Variants in EPN1 observed in about 807,000 individuals in gnomAD.
EPN1 encodes epsin-1.
EPN1 carries 25 observed loss-of-function variants against 56.9 expected under a neutral mutation model. The ratio of observed to expected loss-of-function variants is 0.44; its 90% CI spans 0.32 to 0.61. The LOEUF (loss-of-function observed/expected upper bound fraction) is 0.61. Ranked by LOEUF, EPN1 falls within the 20% of genes least tolerant of loss-of-function variation. The probability of loss-of-function intolerance (pLI) is 0.05; values close to 1 mark genes in which losing one functional copy is unlikely to be tolerated. For missense variants in EPN1, 785 were observed against 823.7 expected (o/e 0.95, Z 0.58); for synonymous variants, 411 against 361.8 (o/e 1.14, Z -1.54).
chr19:55,689,327 C>G lies in EPN1; in HGVS notation c.634C>G (p.Gln212Glu). 6.4e-7 allele frequency: 1 copy of G among 1,551,854 alleles called. No homozygotes were observed. The highest frequency in any genetic ancestry group is 8.7e-7 in the Non-Finnish European group (1 of 1,147,012). Residue 212 changes from glutamine (Q) to glutamate (E), a missense_variant, in exon 5 of 11, where the codon CAG becomes GAG. By Grantham distance (29) the Gln-to-Glu change is conservative. Coordinates refer to ENST00000270460, the MANE Select transcript of EPN1 (RefSeq NM_001130072.2). The surrounding 1 kb of genome is among the most constrained non-coding windows in gnomAD (Gnocchi z 5.7). ...GTCCTGCGGCCCCGAGGACGACGCC[C>G]AGCTCCAGCTGGCCCTTAGTTTGAG... The part of the protein sequence containing the change: ...PPSCGPEDDA[Q>E]LQLALSLSRE...
chr19:55,693,498 C>G (rs1986715164), intron 9 of EPN1: 1 of 153,360 alleles, frequency 6.5e-6, no homozygotes, highest in Non-Finnish European at 1.5e-5. Flanking sequence ...CTTTAGCTGC[C>G]CTGGCTCCTT....
chr19:55,675,869 G>A (rs1467996802), intron 1 of EPN1, among the ~76,000 whole-genome samples: 2 of 152,010 alleles, frequency 1.3e-5, no homozygotes, highest in African/African-American at 4.8e-5. Flanking sequence ...CCCCCGCCCC[G>A]TCTTCGCATC....
Position 55,693,030 on chromosome 19 carries a change from C to G in EPN1, c.1257C>G (p.Ser419Arg). ...GCACGGCACTGCCGACCTCCGGGAGCAGCGCAGGTGAGCCCCTGCCCTCCC... is the reference window on the plus strand; with the variant it reads ...GCACGGCACTGCCGACCTCCGGGAGGAGCGCAGGTGAGCCCCTGCCCTCCC... ...RLRTALPTSG[S>R]SAGELELLAG... is the part of the protein sequence containing the mutation. The change falls in exon 9 of 11, where the codon AGC (serine) becomes AGG (arginine). Residue 419 changes from serine (S) to arginine (R), a missense_variant. Around this residue, in one of 2 missense-constraint regions of EPN1, gnomAD observed 650 missense variants for 605.0 expected, o/e 1.07. Transcript: ENST00000270460. 6.2e-7 allele frequency: 1 copy of G among 1,612,858 alleles called. No homozygotes were observed. Among genetic ancestry groups the G allele is most frequent in the Non-Finnish European group, 8.5e-7 (1 of 1,179,290 alleles).
At position 55,702,627 on chromosome 19, in the gene EPN1, G is replaced by A. The variant is rs1987196523; in HGVS notation, c.*7271G>A. The A allele has an allele frequency of 6.6e-6, 1 of 152,212 alleles. No individual in the cohort carries two copies. The highest frequency in any genetic ancestry group is 6.5e-5 in the Admixed American group (1 of 15,282). The allele number at this position is 152,212 out of a possible 1,614,324, so 9.4% of individuals were successfully genotyped here. A position where few individuals can be genotyped will look rare whatever the true frequency, so the allele number is the denominator to read the frequency against. On this transcript the variant is annotated 3_prime_UTR_variant, in exon 11 of 11. Transcript: ENST00000270460. ...ACTGCGTGGTGTGGTGAGAAAGGGA[G>A]CAATTTCTAAGCTGCTTTTTGTTAG...
chr19:55,688,648 G>A (rs764678452), intron 3 of EPN1, among the ~76,000 whole-genome samples: 1 of 152,024 alleles, frequency 6.6e-6, no homozygotes, highest in Non-Finnish European at 1.5e-5. Flanking sequence ...CTGATGCCTG[G>A]CCCCTCCCGT....
rs1238870448 is a variant in EPN1 at position 55,694,235 on chromosome 19, A to AG, written c.1265-491_1265-490insG. ...TCCGTCTCAGAAAAAAAAAAAAAAA[A>AG]AAAAAAAACAGAAAATCAGACCTCT... On this transcript the variant is annotated intron_variant, in intron 9 of 10. Transcript: ENST00000270460. The surrounding 1 kb of genome is among the most constrained non-coding windows in gnomAD (Gnocchi z 4.2). 1.3e-5 allele frequency: 2 copies of AG among 152,418 alleles called. No homozygotes were observed. The highest frequency in any genetic ancestry group is 1.9e-4 in the East Asian group (1 of 5,182). The allele number at this position is 152,418 out of a possible 1,614,324, so 9.4% of individuals were successfully genotyped here.
Position 55,691,615 on chromosome 19 carries a change from C to T in EPN1, c.763-139C>T, listed in dbSNP as rs1428655403. ...GCCAGGTGGTGTGTTTGGGGCCTGC[C>T]TCCCTCTCACCCCTTATGGATGGCT... On this transcript the variant is annotated intron_variant, in intron 6 of 10. Coordinates refer to ENST00000270460, the MANE Select transcript of EPN1 (RefSeq NM_001130072.2). The surrounding 1 kb of genome is among the most constrained non-coding windows in gnomAD (Gnocchi z 5.6). 4.2e-6 allele frequency: 3 copies of T among 714,170 alleles called. No individual in the cohort carries two copies. The highest frequency in any genetic ancestry group is 2.8e-5 in the East Asian group (1 of 36,092). 44.2% of individuals were successfully genotyped at this position (714,170 alleles called of 1,614,324 possible).
chr19:55,693,154 GA>G, intron 9 of EPN1, 117 bp downstream of exon 9: 1 of 940,398 alleles, frequency 1.1e-6, no homozygotes, highest in Non-Finnish European at 1.6e-6. Flanking sequence ...ACTTAGGGAT[GA>G]AAAGTTCAGT....
intron 2 of EPN1, among the ~76,000 whole-genome samples, chr19:55,681,209 T>C (rs2122170173): frequency 6.6e-6 from 1 of 152,248 alleles, no homozygotes; most frequent in East Asian, 1.9e-4. Context: ...GGGGTGAGTA[T>C]TGGTGAGTAA....
At position 55,697,464 on chromosome 19, in the gene EPN1, G is replaced by C. The variant is rs1445280521; in HGVS notation, c.*2108G>C. On this transcript the variant is annotated 3_prime_UTR_variant, in exon 11 of 11. Coordinates refer to ENST00000270460, the MANE Select transcript of EPN1 (RefSeq NM_001130072.2). ...TCTCTTCAAAAAAGCTGAGGACGAA[G>C]ATAAAATGATACAGTTGGATTAGTC... The C allele has an allele frequency of 6.6e-6, 1 of 152,232 alleles. No homozygotes were observed. The highest frequency in any genetic ancestry group is 6.5e-5 in the Admixed American group (1 of 15,282). The allele number at this position is 152,232 out of a possible 1,614,324, so 9.4% of individuals were successfully genotyped here. A position where few individuals can be genotyped will look rare whatever the true frequency, so the allele number is the denominator to read the frequency against.
In EPN1 at chr19:55,691,785, C is replaced by T. The variant is rs781465981; in HGVS notation, c.794C>T (p.Thr265Met). ...CTCATGGACCTTGCTGACGTCTTCACGGCCCCAGCTCCTGCCCCGACCACA... is the reference window on the plus strand; with the variant it reads ...CTCATGGACCTTGCTGACGTCTTCATGGCCCCAGCTCCTGCCCCGACCACA... ...SSLMDLADVF[T>M]APAPAPTTDP... Residue 265 changes from threonine (T) to methionine (M), a missense_variant, in exon 7 of 11, where the codon ACG (threonine) becomes ATG (methionine). Thr to Met is a moderately conservative substitution (Grantham distance 81). This residue lies in a region of EPN1 where 650 missense variants were observed against 605.0 expected (regional missense o/e 1.07). Transcript: ENST00000270460. This position sits in a 1 kb window ranked among gnomAD's most constrained non-coding sequence, Gnocchi z 5.6. 36 of 1,612,592 alleles carry T rather than the reference C, an allele frequency of 2.2e-5. No individual in the cohort carries two copies. The highest frequency in any genetic ancestry group is 1.8e-4 in the Admixed American group (11 of 59,872).
chr19:55,695,141 C>A lies in EPN1; in HGVS notation c.1523-7C>A. On this transcript the variant is annotated splice_polypyrimidine_tract_variant and splice_region_variant and intron_variant, in intron 10 of 10. Coordinates refer to ENST00000270460, the MANE Select transcript of EPN1 (RefSeq NM_001130072.2). The surrounding 1 kb of genome is among the most constrained non-coding windows in gnomAD (Gnocchi z 4.4). ...CACTCCGTGTCTCTGGTTTACTCTT[C>A]CTGCAGGAGGCCCAGCCACTGGCCC... is the stretch of plus-strand genomic sequence containing the variant. 3 of 1,613,722 alleles carry A rather than the reference C, an allele frequency of 1.9e-6. No homozygotes were observed. The highest frequency in any genetic ancestry group is 2.5e-6 in the Non-Finnish European group (3 of 1,179,792).
chr19:55,695,071 G>C lies in EPN1; in HGVS notation c.1523-77G>C, dbSNP rs1233732212. On this transcript the variant is annotated intron_variant, in intron 10 of 10. Transcript: ENST00000270460. This position sits in a 1 kb window ranked among gnomAD's most constrained non-coding sequence, Gnocchi z 4.4. ...ACGGGGCAGGGACACTTCGCCCTTT[G>C]CCTGCACATGCTGGATGGACACAGG... 7 of 1,604,592 alleles carry C rather than the reference G, an allele frequency of 4.4e-6. No individual in the cohort carries two copies. Among genetic ancestry groups the C allele is most frequent in the South Asian group, 3.3e-5 (3 of 89,920 alleles).
intron 2 of EPN1, among the ~76,000 whole-genome samples, chr19:55,681,683 A>G (rs1412288027): frequency 6.6e-6 from 1 of 152,242 alleles, no homozygotes; most frequent in Non-Finnish European, 1.5e-5. Flanking sequence ...TCTGCATTGC[A>G]GGATGTCCTT....
chr19:55,676,863 G>GTGTCTC (rs1985468945), intron 1 of EPN1: 1 of 240,906 alleles, frequency 4.2e-6, no homozygotes, highest in Middle Eastern at 1.2e-3. Context: ...TTTTCTCATT[G>GTGTCTC]TGTCTCTGCC....
intron 7 of EPN1, 37 bp downstream of exon 7, chr19:55,692,094 C>T (rs1461277521): frequency 1.4e-6 from 2 of 1,394,694 alleles, no homozygotes; most frequent in East Asian, 2.8e-5. Context: ...GCCCCTACGC[C>T]TGTGTGCACC....
rs1008618077 is a variant in EPN1, at chr19:55,689,133, C to T, written c.603+139C>T. On this transcript the variant is annotated intron_variant, in intron 4 of 10. Coordinates refer to ENST00000270460, the MANE Select transcript of EPN1 (RefSeq NM_001130072.2). This position sits in a 1 kb window ranked among gnomAD's most constrained non-coding sequence, Gnocchi z 5.7. The stretch of plus-strand genomic sequence containing the variant: ...TCACTCGTCTCCTCCCCAGTCCTGC[C>T]TCATCCTCACCCCGCCGTCCCTCTG... The T allele has an allele frequency of 3.1e-6, 4 of 1,293,794 alleles. No homozygotes were observed. The African/African-American group carries it at 4.4e-5, about 14-fold the overall frequency. The allele number at this position is 1,293,794 out of a possible 1,614,324, so 80.1% of individuals were successfully genotyped here. A position where few individuals can be genotyped will look rare whatever the true frequency, so the allele number is the denominator to read the frequency against.
Position 55,695,084 on chromosome 19 carries a change from G to T in EPN1, c.1523-64G>T. 2.5e-6 allele frequency: 4 copies of T among 1,609,282 alleles called. No individual in the cohort carries two copies. The South Asian group carries it at 4.4e-5, about 18-fold the overall frequency. On this transcript the variant is annotated intron_variant, in intron 10 of 10. Coordinates refer to ENST00000270460, the MANE Select transcript of EPN1 (RefSeq NM_001130072.2). This position sits in a 1 kb window ranked among gnomAD's most constrained non-coding sequence, Gnocchi z 4.4. ...ACTTCGCCCTTTGCCTGCACATGCT[G>T]GATGGACACAGGTGGGCTGCGCCAC...
chr19:55,708,815 T>C lies in EPN1; in HGVS notation c.*13459T>C. On this transcript the variant is annotated 3_prime_UTR_variant, in exon 11 of 11. Coordinates refer to ENST00000270460, the MANE Select transcript of EPN1 (RefSeq NM_001130072.2). Reference sequence around the variant, plus strand: ...AGTACCTCTGAAATCACAGCCCTGCTGCCATGATGTGCAATTACAGGATAG... The same window carrying C: ...AGTACCTCTGAAATCACAGCCCTGCCGCCATGATGTGCAATTACAGGATAG... 1.3e-6 allele frequency: 1 copy of C among 784,916 alleles called. No homozygotes were observed. Among genetic ancestry groups the C allele is most frequent in the Admixed American group, 3.0e-5 (1 of 33,350 alleles). 48.6% of individuals were successfully genotyped at this position (784,916 alleles called of 1,614,324 possible).
Sources: allele counts gnomAD v4.1 joint callset (sites outside exome capture counted in the v4.1 genomes callset), GRCh38; gene constraint gnomAD v4.1.1; regional missense constraint gnomAD v4.1.1; non-coding constraint Gnocchi (gnomAD v3.1); transcripts MANE v1.5; gene names NCBI Gene and HGNC (gene_info 2026-07-23, HGNC 2026-07-21).